AUTS2: variants seen among roughly 807,000 people sequenced by gnomAD.
AUTS2 encodes the protein activator of transcription and developmental regulator AUTS2.
In AUTS2, 17 loss-of-function variants were observed where a neutral mutation model predicts 112.4. The ratio of observed to expected loss-of-function variants is 0.15; its 90% CI spans 0.10 to 0.23. The LOEUF is 0.23. AUTS2 is among the 10% of genes least tolerant of loss of function. The pLI, the probability that AUTS2 is intolerant of heterozygous loss-of-function variation, is 1.00. For missense variants in AUTS2, 1,510 were observed against 1,701.6 expected, an observed-to-expected ratio of 0.89 and a Z score of 1.98; for synonymous variants, 751 against 702.7, an observed-to-expected ratio of 1.07 and a Z score of -1.09.
chr7:69,993,086 T>C (rs1404594329), intron 2 of AUTS2, among the ~76,000 whole-genome samples: 1 of 152,186 alleles, frequency 6.6e-6, no homozygotes, highest in Non-Finnish European at 1.5e-5. Flanking sequence ...CAGCGGTCTG[T>C]CTCCATCTCT....
At chr7:69,943,858 G>A (rs1479475480) in intron 2 of AUTS2, among the ~76,000 whole-genome samples, 4 of 152,186 alleles carry the variant, frequency 2.6e-5, no homozygotes, top group African/African-American at 9.6e-5. Flanking sequence ...TTTGAAGCAG[G>A]TTTTAGCAGG....
intron 18 of AUTS2, 47 bp from the exon 19 acceptor site, chr7:70,789,701 G>A (rs375608462): frequency 2.2e-5 from 35 of 1,573,180 alleles, no homozygotes; most frequent in South Asian, 1.9e-4. Flanking sequence ...CGGCCGACTC[G>A]CCCCTTTCAT....
intron 1 of AUTS2, among the ~76,000 whole-genome samples, chr7:69,872,577 C>T (rs1793545437): frequency 6.6e-6 from 1 of 152,016 alleles, no homozygotes; most frequent in African/African-American, 2.4e-5. Flanking sequence ...TTTTTTTCTC[C>T]CGAATTATAC....
chr7:69,832,377 C>G lies in AUTS2; in HGVS notation c.310-66909C>G, dbSNP rs182281169. On this transcript the variant is annotated intron_variant, in intron 1 of 18. Transcript: ENST00000342771. ...GGGACTGGGGATATGATTGGTAGTTCTAGAATGACGTTGCAGTTGCTCTAT... is the reference window on the plus strand; with the variant it reads ...GGGACTGGGGATATGATTGGTAGTTGTAGAATGACGTTGCAGTTGCTCTAT... Among the ~76,000 whole-genome samples the G allele has an allele frequency of 2.0e-3, 311 of 152,246 alleles. 7 individuals are homozygous for G. The highest frequency in any genetic ancestry group is 4.7e-4 in the Non-Finnish European group (32 of 68,014).
At chr7:69,666,626 A>G (rs1236211336) in intron 1 of AUTS2, among the ~76,000 whole-genome samples, 1 of 152,084 alleles carries the variant, frequency 6.6e-6, no homozygotes, top group Non-Finnish European at 1.5e-5. Flanking sequence ...TGTAAAGTCT[A>G]ATGGGTGGCT....
chr7:70,789,507 C>A (rs568717478), intron 18 of AUTS2, among the ~76,000 whole-genome samples: 1 of 152,114 alleles, frequency 6.6e-6, no homozygotes, highest in Non-Finnish European at 1.5e-5. Context: ...TTGCTCCCAG[C>A]AGACTCCCCC....
In AUTS2 at chr7:70,103,384, A is replaced by C. The variant is rs147793461; in HGVS notation, c.523-14748A>C. ...CTCACAGGTTCTGAGAGGAACCTGT[A>C]GCTCAGTACAGCAAATAGTAGGCAC... On this transcript the variant is annotated intron_variant, in intron 2 of 18. Transcript: ENST00000342771. Among the ~76,000 whole-genome samples the C allele has an allele frequency of 1.4e-4, 22 of 152,250 alleles. No homozygotes were observed. The East Asian group carries it at 4.2e-3, about 29-fold the overall frequency.
intron 2 of AUTS2, among the ~76,000 whole-genome samples, chr7:69,961,723 CA>C (rs1205760434): frequency 1.3e-5 from 2 of 152,038 alleles, no homozygotes; most frequent in African/African-American, 4.8e-5. Context: ...TGTTTCTTAA[CA>C]TATTGTTTAC....
chr7:70,335,657 C>A (rs778274923), intron 4 of AUTS2, among the ~76,000 whole-genome samples: 1 of 152,146 alleles, frequency 6.6e-6, no homozygotes, highest in Non-Finnish European at 1.5e-5. Context: ...GACAGTGAGG[C>A]GTCTCTTGGA....
intron 4 of AUTS2, among the ~76,000 whole-genome samples, chr7:70,137,395 C>T (rs554114118): frequency 1.3e-5 from 2 of 150,192 alleles, no homozygotes; most frequent in East Asian, 3.9e-4. Flanking sequence ...TAGTTGGAAT[C>T]GATTTGCTTT....
intron 1 of AUTS2, among the ~76,000 whole-genome samples, chr7:69,688,474 A>G (rs1562811678): frequency 6.6e-6 from 1 of 152,298 alleles, no homozygotes; most frequent in Admixed American, 6.5e-5. Flanking sequence ...AAGAGGGTTC[A>G]TGTTTGTTTA....
At chr7:70,033,061 T>C (rs1442843568) in intron 2 of AUTS2, among the ~76,000 whole-genome samples, 1 of 152,138 alleles carries the variant, frequency 6.6e-6, no homozygotes, top group African/African-American at 2.4e-5. Flanking sequence ...GAGTAACTGC[T>C]GATAGGTACA....
At chr7:69,642,262 C>T (rs1213398067) in intron 1 of AUTS2, among the ~76,000 whole-genome samples, 3 of 152,110 alleles carry the variant, frequency 2.0e-5, no homozygotes, top group African/African-American at 7.2e-5. Flanking sequence ...CAAAAGGCTG[C>T]AGTTCTTATC....
At chr7:70,116,404 C>G (rs1278640314) in intron 2 of AUTS2, among the ~76,000 whole-genome samples, 1 of 152,134 alleles carries the variant, frequency 6.6e-6, no homozygotes, top group African/African-American at 2.4e-5. Context: ...TTAAAGACTA[C>G]AAGGAATGTT....
intron 5 of AUTS2, among the ~76,000 whole-genome samples, chr7:70,588,053 C>A (rs1356498021): frequency 6.6e-6 from 1 of 152,068 alleles, no homozygotes; most frequent in Non-Finnish European, 1.5e-5. Context: ...AACACCTCGG[C>A]CAACTTTGAG....
chr7:69,914,396 A>AC (rs1554403946), intron 2 of AUTS2, among the ~76,000 whole-genome samples: 4 of 108,664 alleles, frequency 3.7e-5, no homozygotes, highest in Admixed American at 9.1e-5. Context: ...CACACACACA[A>AC]ACAATCCAGA....
chr7:70,509,583 G>C (rs1799101587), intron 5 of AUTS2, among the ~76,000 whole-genome samples: 1 of 152,168 alleles, frequency 6.6e-6, no homozygotes, highest in Non-Finnish European at 1.5e-5. Context: ...GCTGCTGCCT[G>C]TCTGGCCCAC....
intron 5 of AUTS2, among the ~76,000 whole-genome samples, chr7:70,586,158 C>T (rs1243400145): frequency 6.6e-6 from 1 of 152,082 alleles, no homozygotes; most frequent in Non-Finnish European, 1.5e-5. Context: ...CGATCGCGCC[C>T]AGCCGAAATA....
chr7:70,683,896 A>G (rs950364667), intron 5 of AUTS2, among the ~76,000 whole-genome samples: 9 of 152,206 alleles, frequency 5.9e-5, no homozygotes, highest in Admixed American at 3.9e-4. Context: ...GATAGCATGG[A>G]AGAGACAGAG....
Sources: allele counts gnomAD v4.1 joint callset (sites outside exome capture counted in the v4.1 genomes callset), GRCh38; gene constraint gnomAD v4.1.1; transcripts MANE v1.5; gene names NCBI Gene and HGNC (gene_info 2026-07-23, HGNC 2026-07-21).